RAD54B: variants seen among roughly 807,000 people sequenced by gnomAD.
The protein encoded by RAD54B is RAD54 homolog B.
Under a neutral mutation model 95.8 loss-of-function variants are expected in RAD54B, and 78 were observed. The observed-to-expected ratio is 0.81, with a 90% confidence interval of 0.68 to 0.98. The LOEUF is 0.98. Among genes scored for constraint, RAD54B ranks in the 50% least tolerant of loss-of-function variants. The pLI is 0.00. For synonymous variants in RAD54B, 328 were observed against 354.9 expected (o/e 0.92, Z 0.85); for missense variants, 957 against 1,056.6 (o/e 0.91, Z 1.31).
At chr8:94,455,765 G>T (rs1474823569) in intron 3 of RAD54B, among the ~76,000 whole-genome samples, 4 of 152,152 alleles carry the variant, frequency 2.6e-5, no homozygotes, top group African/African-American at 9.7e-5. Flanking sequence ...GTGGTTTCCA[G>T]CAATCATGGG....
intron 3 of RAD54B, among the ~76,000 whole-genome samples, chr8:94,433,658 T>A (rs142392716): frequency 1.3e-5 from 2 of 152,072 alleles, no homozygotes; most frequent in East Asian, 3.9e-4. Flanking sequence ...TAATTTTATG[T>A]ATAACGTGAA....
chr8:94,455,581 G>A (rs1750224618), intron 3 of RAD54B, among the ~76,000 whole-genome samples: 1 of 152,098 alleles, frequency 6.6e-6, no homozygotes, highest in African/African-American at 2.4e-5. Context: ...CAAGAGATCT[G>A]GGGCTTCCTG....
chr8:94,398,659 G>A (rs1034566973), intron 8 of RAD54B, among the ~76,000 whole-genome samples: 8 of 152,042 alleles, frequency 5.3e-5, no homozygotes, highest in African/African-American at 1.9e-4. Context: ...GTAAATATTA[G>A]TAATGAATAC....
intron 2 of RAD54B, among the ~76,000 whole-genome samples, chr8:94,459,772 A>C (rs1188634315): frequency 6.6e-6 from 1 of 151,934 alleles, no homozygotes; most frequent in Non-Finnish European, 1.5e-5. Flanking sequence ...AGGCAGGAGA[A>C]TCGCTTGAAC....
rs1272613944 is a variant in RAD54B, at chr8:94,415,182, G to T, written c.305-3867C>A. ...ACCAAAACAGAGATATAGATCAATG[G>T]AATAGAACAGAGCCCTCAGAAATAA... On this transcript the variant is annotated intron_variant, in intron 3 of 14. Transcript: ENST00000336148. 2.6e-5 allele frequency among the ~76,000 whole-genome samples: 4 copies of T among 151,890 alleles called. No homozygotes were observed. The East Asian group carries it at 7.7e-4, about 29-fold the overall frequency.
chr8:94,431,012 T>C, intron 3 of RAD54B: 1 of 985,372 alleles, frequency 1.0e-6, no homozygotes, highest in South Asian at 4.7e-5. Context: ...CATGGTCCCC[T>C]TCACTGCTGA....
At chr8:94,392,764 A>ATTTTTTT (rs34856809) in intron 9 of RAD54B, among the ~76,000 whole-genome samples, 12 of 72,594 alleles carry the variant, frequency 1.7e-4, no homozygotes, top group African/African-American at 4.0e-4. Context: ...CACCTGGCTG[A>ATTTTTTT]TTTTTTTTTT....
intron 3 of RAD54B, among the ~76,000 whole-genome samples, chr8:94,421,003 G>C (rs1586155380): frequency 6.7e-6 from 1 of 150,214 alleles, no homozygotes; most frequent in South Asian, 2.1e-4. Context: ...AAAAAAAAGA[G>C]ATGTTTTCCT....
chr8:94,387,662 TAAG>T (rs1040934483), intron 10 of RAD54B, among the ~76,000 whole-genome samples: 3 of 152,210 alleles, frequency 2.0e-5, no homozygotes, highest in African/African-American at 4.8e-5. Flanking sequence ...GTTTCTTCTG[TAAG>T]AAGGAAGAAT....
chr8:94,417,404 T>C (rs929153752), intron 3 of RAD54B, among the ~76,000 whole-genome samples: 3 of 149,914 alleles, frequency 2.0e-5, no homozygotes, highest in Non-Finnish European at 4.5e-5. Flanking sequence ...GGTATGTTAA[T>C]TGTATCTCAA....
At chr8:94,423,106 G>A (rs893032444) in intron 3 of RAD54B, among the ~76,000 whole-genome samples, 11 of 151,844 alleles carry the variant, frequency 7.2e-5, no homozygotes, top group African/African-American at 2.2e-4. Flanking sequence ...GTTACCGGCC[G>A]GGCACGGTGG....
Position 94,407,477 on chromosome 8 carries a change from A to G in RAD54B, c.743T>C (p.Phe248Ser). The G allele has an allele frequency of 6.2e-7, 1 of 1,613,810 alleles. No homozygotes were observed. The highest frequency in any genetic ancestry group is 8.5e-7 in the Non-Finnish European group (1 of 1,179,766). Residue 248 changes from phenylalanine (F) to serine (S), a missense_variant, in exon 5 of 15, where the codon TTC (phenylalanine) becomes TCC (serine). By Grantham distance (155) the Phe-to-Ser change is radical. Coordinates refer to ENST00000336148, the MANE Select transcript of RAD54B (RefSeq NM_012415.3). ...GTCATGGCGTGGTTTGCAATTTTGGAAATCATTCTGTCTATTTTCCTTTGA... is the reference window on the plus strand; with the variant it reads ...GTCATGGCGTGGTTTGCAATTTTGGGAATCATTCTGTCTATTTTCCTTTGA... ...PSSKENRQND[F>S]QNCKPRHDPY...
intron 3 of RAD54B, among the ~76,000 whole-genome samples, chr8:94,433,606 T>C (rs1812175942): frequency 6.6e-6 from 1 of 152,076 alleles, no homozygotes; most frequent in Non-Finnish European, 1.5e-5. Flanking sequence ...CAAGTTATGA[T>C]ATTATAAATG....
chr8:94,379,702 A>G (rs1312172387), intron 12 of RAD54B, among the ~76,000 whole-genome samples: 1 of 152,228 alleles, frequency 6.6e-6, no homozygotes, highest in Non-Finnish European at 1.5e-5. Flanking sequence ...GCTGTACTCT[A>G]AAGAAAACCA....
chr8:94,436,594 T>C, intron 3 of RAD54B: 1 of 1,550,582 alleles, frequency 6.4e-7, no homozygotes, highest in Non-Finnish European at 8.7e-7. Flanking sequence ...GCTTTTAAAA[T>C]CTGATTGGGT....
chr8:94,433,902 G>C (rs1046411342), intron 3 of RAD54B, among the ~76,000 whole-genome samples: 3 of 151,592 alleles, frequency 2.0e-5, no homozygotes, highest in Admixed American at 2.0e-4. Context: ...CATAGAAAAA[G>C]ATTAAAACTA....
At chr8:94,400,555 T>C in intron 6 of RAD54B, 92 bp from the exon 7 acceptor site, 2 of 1,056,758 alleles carry the variant, frequency 1.9e-6, no homozygotes, top group South Asian at 3.4e-5. Context: ...TATTTTGTAA[T>C]GACACTGAAG....
At chr8:94,439,602 T>G (rs1258632845) in intron 3 of RAD54B, among the ~76,000 whole-genome samples, 2 of 144,506 alleles carry the variant, frequency 1.4e-5, no homozygotes, top group East Asian at 4.0e-4. Flanking sequence ...TTATATATTT[T>G]AGGGAGGCAT....
At chr8:94,393,081 C>T (rs1805692392) in intron 9 of RAD54B, among the ~76,000 whole-genome samples, 1 of 151,954 alleles carries the variant, frequency 6.6e-6, no homozygotes, top group Admixed American at 6.6e-5. Context: ...CTCAGCCTCC[C>T]AAAGTGCTGG....
Sources: gnomAD v4.1 joint callset for allele counts (sites outside exome capture counted in the v4.1 genomes callset) on GRCh38, gnomAD v4.1.1 for gene constraint, MANE v1.5 for transcripts, NCBI Gene and HGNC (gene_info 2026-07-23, HGNC 2026-07-21) for gene names.